Variants in OSBPL1A observed in about 807,000 individuals in gnomAD.
OSBPL1A encodes oxysterol binding protein like 1A.
OSBPL1A carries 80 observed loss-of-function variants against 137.1 expected under a neutral mutation model. The observed-to-expected ratio is 0.58, with a 90% CI of 0.49 to 0.70. The LOEUF (loss-of-function observed/expected upper bound fraction) is 0.70. Among genes scored for constraint, OSBPL1A ranks in the 30% least tolerant of loss-of-function variants. The pLI is 0.00. For missense variants in OSBPL1A, 970 were observed against 1,129.4 expected (o/e 0.86, Z 2.02); for synonymous variants, 365 against 389.7 (o/e 0.94, Z 0.75).
intron 1 of OSBPL1A, among the ~76,000 whole-genome samples, chr18:24,391,677 T>C (rs1360224763): frequency 6.6e-6 from 1 of 151,922 alleles, no homozygotes; most frequent in African/African-American, 2.4e-5. Flanking sequence ...TGCAGTGAGC[T>C]AAGACCATGC....
intron 2 of OSBPL1A, among the ~76,000 whole-genome samples, chr18:24,372,543 C>A (rs1290334308): frequency 6.6e-6 from 1 of 152,212 alleles, no homozygotes; most frequent in African/African-American, 2.4e-5. Context: ...CATTCCCCTC[C>A]TCACTCAACA....
intron 4 of OSBPL1A, among the ~76,000 whole-genome samples, chr18:24,342,999 C>T (rs1426861644): frequency 1.3e-5 from 2 of 151,692 alleles, no homozygotes; most frequent in Non-Finnish European, 2.9e-5. Flanking sequence ...TTTTGGGGCT[C>T]ATGTTTTCAT....
At chr18:24,203,810 C>A (rs1464953463) in intron 17 of OSBPL1A, among the ~76,000 whole-genome samples, 1 of 152,172 alleles carries the variant, frequency 6.6e-6, no homozygotes, top group Non-Finnish European at 1.5e-5. Context: ...ATTATACACA[C>A]TTCTCTATGG....
chr18:24,199,113 C>T (rs2087132353), intron 17 of OSBPL1A, among the ~76,000 whole-genome samples: 1 of 152,078 alleles, frequency 6.6e-6, no homozygotes, highest in African/African-American at 2.4e-5. Context: ...CCCACCTCAG[C>T]CTCCCACAGT....
chr18:24,266,630 T>C (rs2089581764), intron 15 of OSBPL1A, among the ~76,000 whole-genome samples: 2 of 152,084 alleles, frequency 1.3e-5, no homozygotes, highest in South Asian at 2.1e-4. Context: ...CAGAAAAAAC[T>C]TGGAAGTCAT....
chr18:24,177,980 T>A, intron 21 of OSBPL1A, 33 bp downstream of exon 21: 1 of 1,590,812 alleles, frequency 6.3e-7, no homozygotes. Flanking sequence ...CAGGTCTACA[T>A]GAAAAGAGTG....
rs556392924 is a variant in OSBPL1A at position 24,190,092 on chromosome 18, C to G, written c.1677+6033G>C. ...GCTTAGGAGCTGAAGAGCTTCAGAGCTGAGAGGTGGCGTGAACCCTCCTGC... is the reference window on the plus strand; with the variant it reads ...GCTTAGGAGCTGAAGAGCTTCAGAGGTGAGAGGTGGCGTGAACCCTCCTGC... On this transcript the variant is annotated intron_variant, in intron 18 of 27. Transcript: ENST00000319481. 2.0e-5 allele frequency among the ~76,000 whole-genome samples: 3 copies of G among 152,230 alleles called. No individual in the cohort carries two copies. In the South Asian group the frequency reaches 6.2e-4, roughly 32 times the overall value.
chr18:24,386,903 G>A (rs1403601497), intron 1 of OSBPL1A, among the ~76,000 whole-genome samples: 1 of 152,062 alleles, frequency 6.6e-6, no homozygotes, highest in Non-Finnish European at 1.5e-5. Flanking sequence ...GCTACAGTGA[G>A]CCATGATTAC....
chr18:24,170,195 G>C (rs2086241121), intron 24 of OSBPL1A, 132 bp downstream of exon 24: 2 of 1,064,106 alleles, frequency 1.9e-6, no homozygotes, highest in Admixed American at 2.3e-5. Flanking sequence ...ATTAAAAAGA[G>C]AAAAGTGACA....
intron 4 of OSBPL1A, chr18:24,347,776 A>G (rs1158443535): frequency 7.6e-6 from 1 of 132,128 alleles, no homozygotes; most frequent in East Asian, 2.5e-4. Flanking sequence ...CGGGTGGTGG[A>G]GGCTGCAGTG....
At chr18:24,263,560 A>G (rs901398926) in intron 15 of OSBPL1A, among the ~76,000 whole-genome samples, 3 of 152,214 alleles carry the variant, frequency 2.0e-5, no homozygotes, top group African/African-American at 7.2e-5. Flanking sequence ...GGTCCTTGAC[A>G]TTACCTATAA....
At chr18:24,163,344 C>A in intron 27 of OSBPL1A, 63 bp from the exon 28 acceptor site, 1 of 1,215,074 alleles carries the variant, frequency 8.2e-7, no homozygotes, top group South Asian at 1.3e-5. Flanking sequence ...GCTGTTTCTT[C>A]ACTAGTTTGC....
chr18:24,351,268 G>A (rs2091433218), intron 4 of OSBPL1A, among the ~76,000 whole-genome samples: 1 of 144,606 alleles, frequency 6.9e-6, no homozygotes, highest in Non-Finnish European at 1.5e-5. Context: ...AGAATCCTTT[G>A]AACCCGGGAG....
intron 18 of OSBPL1A, among the ~76,000 whole-genome samples, chr18:24,195,488 T>C (rs2087004347): frequency 6.6e-6 from 1 of 152,094 alleles, no homozygotes; most frequent in African/African-American, 2.4e-5. Context: ...TAAAAGGTAA[T>C]GTCCAGGCAG....
At chr18:24,342,304 G>A (rs1176329604) in intron 4 of OSBPL1A, among the ~76,000 whole-genome samples, 2 of 152,068 alleles carry the variant, frequency 1.3e-5, no homozygotes, top group Non-Finnish European at 1.5e-5. Context: ...ATGTACATAC[G>A]TCCAGTATCA....
At chr18:24,348,447 C>A (rs2091383698) in intron 4 of OSBPL1A, among the ~76,000 whole-genome samples, 1 of 152,076 alleles carries the variant, frequency 6.6e-6, no homozygotes, top group African/African-American at 2.4e-5. Flanking sequence ...GAACCTGAGG[C>A]ACAGAGGTTA....
At chr18:24,243,158 G>A (rs1399136785) in intron 15 of OSBPL1A, among the ~76,000 whole-genome samples, 1 of 152,128 alleles carries the variant, frequency 6.6e-6, no homozygotes, top group African/African-American at 2.4e-5. Flanking sequence ...ACCCTGAGGT[G>A]GAGGTTGCAG....
intron 17 of OSBPL1A, among the ~76,000 whole-genome samples, chr18:24,197,778 TTTC>T (rs1353041032): frequency 4.0e-5 from 6 of 149,952 alleles, no homozygotes; most frequent in East Asian, 4.0e-4. Flanking sequence ...ATTTTGTTCT[TTTC>T]TTTTCTTTTT....
intron 4 of OSBPL1A, among the ~76,000 whole-genome samples, chr18:24,346,360 CA>C (rs2091345134): frequency 6.6e-6 from 1 of 152,184 alleles, no homozygotes; most frequent in Non-Finnish European, 1.5e-5. Flanking sequence ...TAAAAGTGCA[CA>C]ATTCTGTGGC....
Sources: gnomAD v4.1 joint callset for allele counts (sites outside exome capture counted in the v4.1 genomes callset) on GRCh38, gnomAD v4.1.1 for gene constraint, MANE v1.5 for transcripts, NCBI Gene and HGNC (gene_info 2026-07-23, HGNC 2026-07-21) for gene names.